TDRD12: variants seen among roughly 807,000 people sequenced by gnomAD.
TDRD12 encodes the protein tudor domain containing 12.
TDRD12 carries 158 observed loss-of-function variants against 133.5 expected under a neutral mutation model. The observed-to-expected ratio is 1.18, with a 90% CI of 1.04 to 1.35. The LOEUF (loss-of-function observed/expected upper bound fraction) is 1.35, where lower values mean the gene tolerates loss of function less well. TDRD12 is among the 40% of genes most tolerant of loss of function. The pLI, the probability that TDRD12 is intolerant of heterozygous loss-of-function variation, is 0.00. For synonymous variants in TDRD12, 460 were observed against 477.9 expected (o/e 0.96, Z 0.49); for missense variants, 1,443 against 1,321.3 (o/e 1.09, Z -1.43).
At chr19:32,821,796 T>G (rs1309493504), downstream of TDRD12, among the ~76,000 whole-genome samples, 1 of 152,190 alleles carries the variant, frequency 6.6e-6, no homozygotes, top group Non-Finnish European at 1.5e-5. Context: ...ATTGCATGGC[T>G]CTCTCCAGAC....
At chr19:32,749,953 C>G in intron 6 of TDRD12, 84 bp downstream of exon 6, 1 of 1,001,464 alleles carries the variant, frequency 1.0e-6, no homozygotes, top group Non-Finnish European at 1.5e-6. Flanking sequence ...AAGAAAAACA[C>G]TGTAGTTCGT....
chr19:32,767,022 G>A (rs1377934966), intron 8 of TDRD12, among the ~76,000 whole-genome samples: 2 of 152,176 alleles, frequency 1.3e-5, no homozygotes, highest in Middle Eastern at 3.4e-3. Context: ...TTCATGGATA[G>A]CATGAGGAAC....
chr19:32,746,007 AG>A, intron 4 of TDRD12, among the ~76,000 whole-genome samples: 4 of 143,636 alleles, frequency 2.8e-5, no homozygotes, highest in Middle Eastern at 3.9e-3. Context: ...TGTGAGAGAG[AG>A]AAGGAGAGAG....
At chr19:32,773,370 A>G in intron 9 of TDRD12, 86 bp from the exon 10 acceptor site, 1 of 1,152,506 alleles carries the variant, frequency 8.7e-7, no homozygotes, top group South Asian at 1.3e-5. Flanking sequence ...TCATGAGAAT[A>G]ACTCCCATGG....
intron 1 of TDRD12, among the ~76,000 whole-genome samples, chr19:32,721,679 CTATTTTATTT>C (rs58024880): frequency 0.014 from 1,818 of 126,222 alleles, 52 homozygotes; most frequent in East Asian, 0.11. Context: ...CGTGCCTGGC[CTATTTTATTT>C]TATTTTATTT....
At chr19:32,784,930 A>G (rs908506519) in intron 11 of TDRD12, among the ~76,000 whole-genome samples, 1 of 152,118 alleles carries the variant, frequency 6.6e-6, no homozygotes, top group African/African-American at 2.4e-5. Flanking sequence ...TTTTCAAAAA[A>G]CCAGCTCCTA....
exon 10 of TDRD12, chr19:32,827,369 T>TTTA: frequency 1.3e-5 from 5 of 374,956 alleles, no homozygotes; most frequent in Non-Finnish European, 1.9e-5. Context: ...TTTCTTTTCT[T>TTTA]TTCTTTTTTT....
chr19:32,772,887 A>G, intron 9 of TDRD12, 37 bp downstream of exon 9: 1 of 1,206,790 alleles, frequency 8.3e-7, no homozygotes, highest in Non-Finnish European at 1.1e-6. Flanking sequence ...TACAAAGTTC[A>G]TATAGTGTTA....
rs1479958227 is a variant in TDRD12 at position 32,738,839 on chromosome 19, C to G, written c.184-17C>G. ...AAAAAATAAATAAATAAAAATAACTCTCTGTTTATTTTGCAGGTGTGTGTG... is the reference window on the plus strand; with the variant it reads ...AAAAAATAAATAAATAAAAATAACTGTCTGTTTATTTTGCAGGTGTGTGTG... On this transcript the variant is annotated splice_polypyrimidine_tract_variant and intron_variant, in intron 2 of 27. Transcript: ENST00000444215. The G allele has an allele frequency of 2.0e-6, 3 of 1,538,338 alleles. No homozygotes were observed. The highest frequency in any genetic ancestry group is 2.0e-5 in the Admixed American group (1 of 49,268).
At chr19:32,818,664 AG>A (rs1967271341) in intron 27 of TDRD12, among the ~76,000 whole-genome samples, 1 of 152,054 alleles carries the variant, frequency 6.6e-6, no homozygotes, top group Admixed American at 6.6e-5. Context: ...AGGGCCTGGG[AG>A]CCCCAGAGGT....
intron 10 of TDRD12, 60 bp downstream of exon 10, chr19:32,773,592 G>C: frequency 6.8e-7 from 1 of 1,461,406 alleles, no homozygotes. Context: ...CAGCTACTGG[G>C]GAGGCTGAGC....
intron 13 of TDRD12, among the ~76,000 whole-genome samples, chr19:32,791,825 A>G (rs1971081403): frequency 6.6e-6 from 1 of 151,994 alleles, no homozygotes; most frequent in African/African-American, 2.4e-5. Context: ...GCCTTTCTGC[A>G]GTGAGGTGAC....
chr19:32,741,640 T>C (rs576870459), intron 3 of TDRD12, among the ~76,000 whole-genome samples: 3 of 152,192 alleles, frequency 2.0e-5, no homozygotes, highest in South Asian at 4.1e-4. Flanking sequence ...CAGGGGGCCA[T>C]GGGTGCAGCC....
chr19:32,746,311 A>T (rs1213526309), intron 4 of TDRD12, among the ~76,000 whole-genome samples: 2 of 125,700 alleles, frequency 1.6e-5, no homozygotes, highest in African/African-American at 6.2e-5. Context: ...ACAGAGGGGG[A>T]GAGAGACTGG....
At chr19:32,758,431 A>G (rs114674944) in intron 8 of TDRD12, among the ~76,000 whole-genome samples, 296 of 152,292 alleles carry the variant, frequency 1.9e-3, no homozygotes, top group African/African-American at 6.8e-3. Context: ...GTAGACATCA[A>G]TCAGAGGAAA....
exon 2 of TDRD12, chr19:32,731,798 A>G: frequency 6.4e-7 from 1 of 1,551,464 alleles, no homozygotes; most frequent in South Asian, 1.2e-5. Flanking sequence ...GTCGATTATC[A>G]AAAATTAAAT....
At chr19:32,779,835 A>T (rs564074541) in intron 11 of TDRD12, among the ~76,000 whole-genome samples, 24 of 152,166 alleles carry the variant, frequency 1.6e-4, no homozygotes, top group African/African-American at 5.1e-4. Flanking sequence ...ACTGGTTAAG[A>T]TGTCCTGAGC....
chr19:32,752,107 C>G (rs1969847353), intron 6 of TDRD12, among the ~76,000 whole-genome samples: 1 of 152,122 alleles, frequency 6.6e-6, no homozygotes, highest in South Asian at 2.1e-4. Flanking sequence ...CTCCTGACCT[C>G]AAGTGATCTG....
intron 12 of TDRD12, 101 bp downstream of exon 12, chr19:32,790,692 A>G: frequency 6.4e-7 from 1 of 1,551,432 alleles, no homozygotes; most frequent in Non-Finnish European, 8.7e-7. Context: ...TTAGAAGAGA[A>G]ACTCCTTAGA....
Sources: allele counts gnomAD v4.1 joint callset (sites outside exome capture counted in the v4.1 genomes callset), GRCh38; gene constraint gnomAD v4.1.1; transcripts MANE v1.5; gene names NCBI Gene and HGNC (gene_info 2026-07-23, HGNC 2026-07-21).